RBFOX1: variants seen among roughly 807,000 people sequenced by gnomAD.
RBFOX1 encodes RNA binding fox-1 homolog 1.
Under a neutral mutation model 57.7 loss-of-function variants are expected in RBFOX1, and 8 were observed. That is an observed-to-expected ratio of 0.14 (90% CI 0.08 to 0.25). The LOEUF is 0.25. Ranked by LOEUF, RBFOX1 falls within the 10% of genes least tolerant of loss-of-function variation. RBFOX1 has a pLI of 1.00. For missense variants in RBFOX1, 611 were observed against 548.5 expected, an observed-to-expected ratio of 1.11 and a Z score of -1.14; for synonymous variants, 326 against 222.4, an observed-to-expected ratio of 1.47 and a Z score of -4.15.
intron 4 of RBFOX1, among the ~76,000 whole-genome samples, chr16:7,509,294 G>A (rs1342506863): frequency 6.6e-6 from 1 of 152,088 alleles, no homozygotes; most frequent in Non-Finnish European, 1.5e-5. Context: ...TGACTGTAAG[G>A]TCTATAGGGA....
intron 1 of RBFOX1, among the ~76,000 whole-genome samples, chr16:5,262,804 A>G (rs1370530235): frequency 6.6e-6 from 1 of 152,184 alleles, no homozygotes; most frequent in Admixed American, 6.5e-5. Context: ...AGCATGGAGA[A>G]TCCTTGAAAA....
chr16:5,652,730 C>G (rs184954463), intron 3 of RBFOX1, among the ~76,000 whole-genome samples: 41 of 152,234 alleles, frequency 2.7e-4, no homozygotes, highest in Admixed American at 6.5e-4. Flanking sequence ...GTGGGAAGAA[C>G]AAAGGATTTG....
intron 3 of RBFOX1, among the ~76,000 whole-genome samples, chr16:6,997,477 T>A (rs7191667): frequency 6.6e-6 from 1 of 151,968 alleles, no homozygotes; most frequent in Non-Finnish European, 1.5e-5. Context: ...TTTAAGTTAA[T>A]GTTAACAATT....
chr16:6,617,429 G>C lies in RBFOX1; in HGVS notation c.-63-37174G>C, dbSNP rs903859141. On this transcript the variant is annotated intron_variant, in intron 2 of 15. Coordinates refer to ENST00000550418, the MANE Select transcript of RBFOX1 (RefSeq NM_018723.4). ...CACTCATGCAGAGGGACATGAGGAG[G>C]GGGTAGTTTGGGTCTGACTCTCCAG... Among the ~76,000 whole-genome samples the C allele has an allele frequency of 3.9e-5, 6 of 152,046 alleles. No homozygotes were observed. In the East Asian group the frequency reaches 5.9e-4, roughly 15 times the overall value.
intron 3 of RBFOX1, among the ~76,000 whole-genome samples, chr16:6,837,811 T>A (rs1308505859): frequency 6.6e-6 from 1 of 152,188 alleles, no homozygotes; most frequent in Non-Finnish European, 1.5e-5. Context: ...GTGGTAGTAA[T>A]GAGGTAGCAC....
intron 3 of RBFOX1, among the ~76,000 whole-genome samples, chr16:6,881,967 T>C (rs1411598289): frequency 6.6e-6 from 1 of 152,166 alleles, no homozygotes; most frequent in East Asian, 1.9e-4. Flanking sequence ...GGAACTTGGT[T>C]ATGGGTTAGA....
At chr16:6,238,280 T>G (rs1338959488) in intron 1 of RBFOX1, among the ~76,000 whole-genome samples, 5 of 152,108 alleles carry the variant, frequency 3.3e-5, no homozygotes, top group African/African-American at 1.2e-4. Flanking sequence ...TTAACTTTCT[T>G]AGAAACGAAA....
At chr16:6,483,332 G>A in intron 2 of RBFOX1, 1 of 1,471,082 alleles carries the variant, frequency 6.8e-7, no homozygotes, top group Non-Finnish European at 9.0e-7. Context: ...TTCTGCACCT[G>A]CTGGCGGTCG....
chr16:6,548,998 C>T, intron 2 of RBFOX1, among the ~76,000 whole-genome samples: 1 of 150,004 alleles, frequency 6.7e-6, no homozygotes, highest in East Asian at 2.0e-4. Flanking sequence ...TCACTTGAAC[C>T]CTGGAGGTGG....
chr16:7,204,715 T>C (rs943448659), intron 4 of RBFOX1, among the ~76,000 whole-genome samples: 1 of 152,182 alleles, frequency 6.6e-6, no homozygotes, highest in Non-Finnish European at 1.5e-5. Flanking sequence ...CATTTTTCCT[T>C]GTATTTTTAG....
intron 3 of RBFOX1, among the ~76,000 whole-genome samples, chr16:6,664,642 C>T (rs1253795014): frequency 2.6e-5 from 4 of 152,146 alleles, no homozygotes; most frequent in African/African-American, 4.8e-5. Context: ...GACTGGGGAC[C>T]AGGCAATAGC....
intron 2 of RBFOX1, among the ~76,000 whole-genome samples, chr16:6,525,510 G>C (rs1474534330): frequency 1.3e-5 from 2 of 152,170 alleles, no homozygotes; most frequent in Non-Finnish European, 2.9e-5. Context: ...TTGTTGGTTG[G>C]TGCTGCTATA....
intron 3 of RBFOX1, among the ~76,000 whole-genome samples, chr16:6,981,805 G>C (rs535519609): frequency 6.6e-6 from 1 of 152,262 alleles, no homozygotes; most frequent in African/African-American, 2.4e-5. Flanking sequence ...AGAGCTACCA[G>C]TCAAGATGAG....
intron 4 of RBFOX1, among the ~76,000 whole-genome samples, chr16:5,925,661 C>T (rs1024461631): frequency 1.3e-5 from 2 of 151,014 alleles, no homozygotes; most frequent in African/African-American, 4.8e-5. Flanking sequence ...GTGTATTTTA[C>T]CACAAATATA....
chr16:7,316,415 A>C (rs911012853), intron 4 of RBFOX1, among the ~76,000 whole-genome samples: 21 of 152,228 alleles, frequency 1.4e-4, no homozygotes, highest in African/African-American at 4.8e-4. Flanking sequence ...AGAATGATTA[A>C]GTCACCTCAA....
At chr16:5,267,621 A>G (rs1310688817) in intron 1 of RBFOX1, among the ~76,000 whole-genome samples, 2 of 152,148 alleles carry the variant, frequency 1.3e-5, no homozygotes, top group African/African-American at 2.4e-5. Flanking sequence ...TTGAGTTGAG[A>G]TAGGGAAACT....
intron 2 of RBFOX1, among the ~76,000 whole-genome samples, chr16:5,537,650 T>G (rs960398019): frequency 6.6e-6 from 1 of 152,228 alleles, no homozygotes; most frequent in African/African-American, 2.4e-5. Flanking sequence ...ATTATAGTCC[T>G]TGGCTAGTAA....
intron 3 of RBFOX1, among the ~76,000 whole-genome samples, chr16:6,661,743 C>G (rs890151103): frequency 3.3e-5 from 5 of 152,174 alleles, no homozygotes; most frequent in African/African-American, 1.2e-4. Flanking sequence ...TGGGTTGCCC[C>G]TTCCTTGTGA....
intron 3 of RBFOX1, among the ~76,000 whole-genome samples, chr16:6,824,981 TG>T (rs1193355112): frequency 7.5e-6 from 1 of 132,932 alleles, no homozygotes. Context: ...CTTTCTTTCT[TG>T]GTTTTTTTTT....
Sources: allele counts gnomAD v4.1 joint callset (sites outside exome capture counted in the v4.1 genomes callset), GRCh38; gene constraint gnomAD v4.1.1; transcripts MANE v1.5; gene names NCBI Gene and HGNC (gene_info 2026-07-23, HGNC 2026-07-21).